TBCEL: variants seen among roughly 807,000 people sequenced by gnomAD.
The protein encoded by TBCEL is tubulin-specific chaperone cofactor E-like protein.
Under a neutral mutation model 44.2 loss-of-function variants are expected in TBCEL, and 15 were observed. That is an observed-to-expected ratio of 0.34 (90% CI 0.23 to 0.52). The LOEUF (loss-of-function observed/expected upper bound fraction) is 0.52. Among genes scored for constraint, TBCEL ranks in the 20% least tolerant of loss-of-function variants. The probability of loss-of-function intolerance (pLI) is 0.95; values close to 1 mark genes in which losing one functional copy is unlikely to be tolerated. For missense variants in TBCEL, 319 were observed against 506.3 expected, an observed-to-expected ratio of 0.63 and a Z score of 3.55; for synonymous variants, 171 against 185.4, an observed-to-expected ratio of 0.92 and a Z score of 0.63.
chr11:121,047,270 C>T (rs1305421936), intron 3 of TBCEL, among the ~76,000 whole-genome samples: 1 of 151,936 alleles, frequency 6.6e-6, no homozygotes, highest in Admixed American at 6.6e-5. Flanking sequence ...TTGAGATAAA[C>T]AATCCTGCTA....
intron 3 of TBCEL, among the ~76,000 whole-genome samples, chr11:121,046,440 G>GT (rs1197564813): frequency 2.0e-5 from 3 of 152,046 alleles, no homozygotes; most frequent in Non-Finnish European, 4.4e-5. Flanking sequence ...CTTGGAAGTA[G>GT]TTTTTTGTAA....
chr11:121,086,852 C>T lies in TBCEL; in HGVS notation c.1031C>T (p.Ala344Val), dbSNP rs1386444468. The T allele has an allele frequency of 1.9e-6, 3 of 1,613,822 alleles. No homozygotes were observed. Among genetic ancestry groups the T allele is most frequent in the Admixed American group, 1.7e-5 (1 of 59,992 alleles). Residue 344 changes from alanine (A) to valine (V), a missense_variant, in exon 9 of 9, where the codon GCA becomes GTA. Coordinates refer to ENST00000683345, the MANE Select transcript of TBCEL (RefSeq NM_001363644.2). ...AEVDLRPQSS[A>V]KVEVHFNDQV... ...GTGGACCTAAGACCCCAGAGCAGTGCAAAAGTAGAAGTCCACTTTAACGAT... is the reference window on the plus strand; with the variant it reads ...GTGGACCTAAGACCCCAGAGCAGTGTAAAAGTAGAAGTCCACTTTAACGAT...
chr11:121,049,645 T>G (rs1005509259), intron 4 of TBCEL, among the ~76,000 whole-genome samples: 1 of 151,864 alleles, frequency 6.6e-6, no homozygotes, highest in African/African-American at 2.4e-5. Flanking sequence ...TCTGCAACAT[T>G]TAACTGCCAT....
chr11:121,068,289 C>T (rs1945858652), intron 8 of TBCEL, among the ~76,000 whole-genome samples: 1 of 152,106 alleles, frequency 6.6e-6, no homozygotes, highest in Non-Finnish European at 1.5e-5. Flanking sequence ...ACTGCTCTGC[C>T]AGTTTTTCTC....
At chr11:121,031,116 T>G (rs1197360450) in intron 1 of TBCEL, among the ~76,000 whole-genome samples, 1 of 152,212 alleles carries the variant, frequency 6.6e-6, no homozygotes, top group Non-Finnish European at 1.5e-5. Flanking sequence ...CCTCCCAGGA[T>G]TTTTGCAGTT....
Position 121,058,515 on chromosome 11 carries a change from T to C in TBCEL, c.839+44T>C, listed in dbSNP as rs371463905. On this transcript the variant is annotated intron_variant, in intron 7 of 8. Transcript: ENST00000683345. ...TTTGCTTTATTTTTGTGAGGCCTTA[T>C]TGTTTCATTAAAGGAATAATGCACT... 6.7e-4 allele frequency: 1,082 copies of C among 1,604,728 alleles called. 1 individual carries two copies. Among genetic ancestry groups the C allele is most frequent in the Non-Finnish European group, 9.0e-4 (1,055 of 1,173,422 alleles).
At position 121,045,797 on chromosome 11, in the gene TBCEL, C is replaced by T. The variant is rs185489274; in HGVS notation, c.107C>T (p.Ala36Val). Reference sequence around the variant, plus strand: ...CCGGGGATGGGAGTCCATGTCCCAGCCACACCTCAGGGCTCTCCTATGAAA... The same window carrying T: ...CCGGGGATGGGAGTCCATGTCCCAGTCACACCTCAGGGCTCTCCTATGAAA... ...RGPGMGVHVP[A>V]TPQGSPMKDR... The change falls in exon 3 of 9, where the codon GCC becomes GTC. Residue 36 changes from alanine (A) to valine (V), a missense_variant. By Grantham distance (64) the Ala-to-Val change is moderately conservative. Transcript: ENST00000683345. 1.2e-6 allele frequency: 2 copies of T among 1,609,860 alleles called. No individual in the cohort carries two copies. The highest frequency in any genetic ancestry group is 2.7e-5 in the African/African-American group (2 of 74,708).
intron 1 of TBCEL, among the ~76,000 whole-genome samples, chr11:121,035,021 C>T (rs1337376302): frequency 3.3e-5 from 5 of 152,180 alleles, no homozygotes; most frequent in Admixed American, 3.3e-4. Context: ...ATTAATTTAG[C>T]ATAGTCCTTG....
intron 8 of TBCEL, among the ~76,000 whole-genome samples, chr11:121,069,196 T>TAAC (rs1247648179): frequency 2.0e-5 from 3 of 152,204 alleles, no homozygotes; most frequent in Non-Finnish European, 4.4e-5. Context: ...CTGTAAGCTC[T>TAAC]ATAGGAGTAG....
In TBCEL at chr11:121,053,649, C is replaced by T. The variant is rs1945568036; in HGVS notation, c.372C>T (p.Ser124=). The change falls in exon 5 of 9, where the codon TCC becomes TCT. Residue 124 remains serine, a synonymous_variant. Transcript: ENST00000683345. ...TTTTAGAAAGAACATGTGCTGGGTC[C>T]TTCTCTGGGGTTCGCAAACTTGTCC... ...LSVLERTCAG[S]FSGVRKLVLN... is the part of the protein sequence containing the mutation. 2.5e-6 allele frequency: 4 copies of T among 1,612,250 alleles called. No homozygotes were observed. In the South Asian group the frequency reaches 3.3e-5, roughly 13 times the overall value.
intron 1 of TBCEL, among the ~76,000 whole-genome samples, chr11:121,033,447 A>C (rs2000527): frequency 6.6e-6 from 1 of 152,014 alleles, no homozygotes; most frequent in African/African-American, 2.4e-5. Context: ...GATTGTATAC[A>C]TCGTAAATTA....
At chr11:121,070,191 A>AG (rs1163953862) in intron 8 of TBCEL, among the ~76,000 whole-genome samples, 1 of 152,224 alleles carries the variant, frequency 6.6e-6, no homozygotes, top group Non-Finnish European at 1.5e-5. Context: ...ATCATTAAAA[A>AG]GTCAGGAAAC....
In TBCEL at chr11:121,087,034, G is replaced by A. The variant is rs373338413; in HGVS notation, c.1213G>A (p.Ala405Thr). Residue 405 changes from alanine to threonine, a missense_variant, in exon 9 of 9, where the codon GCA (alanine) becomes ACA (threonine). By Grantham distance (58) the Ala-to-Thr change is moderately conservative. Coordinates refer to ENST00000683345, the MANE Select transcript of TBCEL (RefSeq NM_001363644.2). ...GPEEMKYSSR[A>T]LHSFGIRDGD... Reference sequence around the variant, plus strand: ...AGAGGAAATGAAGTACAGCTCTCGGGCATTGCATTCCTTTGGCATTAGGGA... The same window carrying A: ...AGAGGAAATGAAGTACAGCTCTCGGACATTGCATTCCTTTGGCATTAGGGA... The A allele has an allele frequency of 4.3e-6, 7 of 1,613,972 alleles. No individual in the cohort carries two copies. Among genetic ancestry groups the A allele is most frequent in the East Asian group, 4.5e-5 (2 of 44,872 alleles).
In TBCEL at chr11:121,047,614, G is replaced by A. The variant is rs781552291; in HGVS notation, c.220G>A (p.Ala74Thr). The change falls in exon 4 of 9, where the codon GCT becomes ACT. Residue 74 changes from alanine (A) to threonine (T), a missense_variant. Physicochemically the swap from Ala to Thr is moderately conservative, Grantham distance 58. Coordinates refer to ENST00000683345, the MANE Select transcript of TBCEL (RefSeq NM_001363644.2). ...TGAAAAAGAAATTGCTGCTTTCTGC[G>A]CTCATGTGTCGGAACTAGATCTTTC... ...GDEKEIAAFC[A>T]HVSELDLSDN... 32 of 1,612,534 alleles carry A rather than the reference G, an allele frequency of 2.0e-5. No individual in the cohort carries two copies. The highest frequency in any genetic ancestry group is 2.7e-5 in the Non-Finnish European group (32 of 1,179,186).
At chr11:121,037,302 A>G (rs1016643413) in intron 2 of TBCEL, among the ~76,000 whole-genome samples, 36 of 152,352 alleles carry the variant, frequency 2.4e-4, no homozygotes, top group African/African-American at 7.5e-4. Context: ...TTGGCTAACT[A>G]TAATTCTACA....
intron 4 of TBCEL, among the ~76,000 whole-genome samples, chr11:121,051,348 A>G (rs1945525051): frequency 6.6e-6 from 1 of 151,778 alleles, no homozygotes; most frequent in Admixed American, 6.6e-5. Context: ...AAAATAAAAT[A>G]TGAGTGGTAG....
At chr11:121,047,880 G>T in intron 4 of TBCEL, 1 of 367,182 alleles carries the variant, frequency 2.7e-6, no homozygotes. Context: ...AGGATCACTT[G>T]AGCCCAGGAA....
intron 1 of TBCEL, among the ~76,000 whole-genome samples, chr11:121,032,405 A>C (rs981246257): frequency 2.0e-5 from 3 of 152,206 alleles, no homozygotes; most frequent in African/African-American, 7.2e-5. Flanking sequence ...CTCCTAGGGG[A>C]AATATAGGAT....
Position 121,036,614 on chromosome 11 carries a change from T to C in TBCEL, c.-18+2T>C, listed in dbSNP as rs1945235655. On this transcript the variant is annotated splice_donor_variant, in intron 2 of 8. Coordinates refer to ENST00000683345, the MANE Select transcript of TBCEL (RefSeq NM_001363644.2). LOFTEE classifies it low-confidence loss of function (5UTR_SPLICE). The stretch of plus-strand genomic sequence containing the variant: ...TGTTTAGAAATATCACACAAACAGG[T>C]ACTTCAGTCTAAATAGTAGTATTGT... The C allele has an allele frequency of 6.6e-6, 1 of 152,170 alleles. No homozygotes were observed. Among genetic ancestry groups the C allele is most frequent in the South Asian group, 2.1e-4 (1 of 4,818 alleles). 9.4% of individuals were successfully genotyped at this position (152,170 alleles called of 1,614,324 possible). A position where few individuals can be genotyped will look rare whatever the true frequency, so the allele number is the denominator to read the frequency against.
Sources: allele counts gnomAD v4.1 joint callset (sites outside exome capture counted in the v4.1 genomes callset), GRCh38; gene constraint gnomAD v4.1.1; transcripts MANE v1.5; gene names NCBI Gene and HGNC (gene_info 2026-07-23, HGNC 2026-07-21).